CCR5AS: variants seen among roughly 807,000 people sequenced by gnomAD.
CCR5AS encodes the protein CCR5 antisense RNA.
intron 1 of CCR5AS, among the ~76,000 whole-genome samples, chr3:46,397,564 C>A (rs1316175952): frequency 6.6e-6 from 1 of 152,206 alleles, no homozygotes; most frequent in Non-Finnish European, 1.5e-5. Flanking sequence ...AGCTGCCTGA[C>A]AAGAGCTGCC....
chr3:46,394,124 T>C (rs1894389), intron 1 of CCR5AS, among the ~76,000 whole-genome samples: 19,857 of 152,114 alleles, frequency 0.13, 1,557 homozygotes, highest in East Asian at 0.23. Context: ...ATCAGTGTTA[T>C]CTGGAGACAT....
In CCR5AS at chr3:46,389,444, A is replaced by G. The variant is rs546408569; in HGVS notation, n.391+3381T>C. On this transcript the variant is annotated intron_variant and non_coding_transcript_variant, in intron 2 of 3. Coordinates refer to ENST00000451485, the Ensembl canonical transcript of CCR5AS. ...CAAGGACTGATTGCCCAGCTAAGGT[A>G]TCTTCACATGGCTGGGAGTTTGGAG... 5.3e-5 allele frequency among the ~76,000 whole-genome samples: 8 copies of G among 152,314 alleles called. No homozygotes were observed. In the South Asian group the frequency reaches 1.7e-3, roughly 32 times the overall value.
At chr3:46,377,737 G>A (rs969377298) in intron 2 of CCR5AS, among the ~76,000 whole-genome samples, 8 of 151,250 alleles carry the variant, frequency 5.3e-5, no homozygotes, top group African/African-American at 2.4e-5. Flanking sequence ...ATGGAGTCTC[G>A]CTCTGTTGCC....
downstream of CCR5AS, among the ~76,000 whole-genome samples, chr3:46,364,333 C>T (rs748957711): frequency 9.9e-5 from 15 of 152,284 alleles, no homozygotes; most frequent in African/African-American, 1.9e-4. Flanking sequence ...AAGAATTATG[C>T]GAAATCTACT....
chr3:46,399,073 T>C (rs553075634), intron 1 of CCR5AS, among the ~76,000 whole-genome samples: 12 of 152,346 alleles, frequency 7.9e-5, no homozygotes, highest in African/African-American at 2.6e-4. Flanking sequence ...TACACTACAC[T>C]GTCATCTTCA....
intron 3 of CCR5AS, among the ~76,000 whole-genome samples, chr3:46,368,815 T>C (rs41499550): frequency 0.062 from 9,420 of 152,182 alleles, 972 homozygotes; most frequent in African/African-American, 0.22. Flanking sequence ...GGGGTGAGTA[T>C]GTCTTCACAT....
intron 1 of CCR5AS, among the ~76,000 whole-genome samples, chr3:46,404,217 A>G (rs1330916754): frequency 6.6e-6 from 1 of 151,900 alleles, no homozygotes; most frequent in Non-Finnish European, 1.5e-5. Context: ...GAACTTAGTG[A>G]CAAGAAAGAA....
At chr3:46,396,914 A>C (rs1354884704) in intron 1 of CCR5AS, among the ~76,000 whole-genome samples, 1 of 152,164 alleles carries the variant, frequency 6.6e-6, no homozygotes, top group Non-Finnish European at 1.5e-5. Context: ...ATTTGGTTTC[A>C]ATTTTCTCTT....
intron 3 of CCR5AS, among the ~76,000 whole-genome samples, chr3:46,370,404 G>A (rs1444351127): frequency 6.6e-6 from 1 of 152,138 alleles, no homozygotes; most frequent in Admixed American, 6.5e-5. Flanking sequence ...GTGGGGGTTG[G>A]GGTGGGATAG....
At chr3:46,391,427 G>A (rs941791202) in intron 2 of CCR5AS, among the ~76,000 whole-genome samples, 1 of 152,114 alleles carries the variant, frequency 6.6e-6, no homozygotes, top group East Asian at 1.9e-4. Flanking sequence ...CTAATTTTTG[G>A]AGCTTTTTCT....
chr3:46,371,777 C>G (rs1701663568), intron 2 of CCR5AS, among the ~76,000 whole-genome samples: 1 of 151,882 alleles, frequency 6.6e-6, no homozygotes. Context: ...AACTCAGAAA[C>G]TACAAACACA....
chr3:46,402,339 C>T (rs979141478), intron 1 of CCR5AS, among the ~76,000 whole-genome samples: 1 of 152,132 alleles, frequency 6.6e-6, no homozygotes, highest in Non-Finnish European at 1.5e-5. Context: ...AATCTGGGGG[C>T]AGGATAAGAT....
chr3:46,397,895 C>T (rs554269610), intron 1 of CCR5AS, among the ~76,000 whole-genome samples: 10 of 152,302 alleles, frequency 6.6e-5, no homozygotes, highest in East Asian at 1.9e-4. Context: ...GAGATCATTT[C>T]GGTCACTGTC....
intron 2 of CCR5AS, among the ~76,000 whole-genome samples, chr3:46,377,314 C>A (rs1311233426): frequency 6.6e-6 from 1 of 152,202 alleles, no homozygotes; most frequent in Admixed American, 6.5e-5. Context: ...CCTTCAGGAT[C>A]TGACTTTATT....
chr3:46,396,390 C>T lies in CCR5AS; in HGVS notation n.164-3338G>A, dbSNP rs143185727. On this transcript the variant is annotated intron_variant and non_coding_transcript_variant, in intron 1 of 3. Coordinates refer to ENST00000451485, the Ensembl canonical transcript of CCR5AS. ...TCAGTGTGCCCACATGTGGGTTCCA[C>T]GGTCTTGTGACATTGTGGCTTTAGA... is the stretch of plus-strand genomic sequence containing the variant. Among the ~76,000 whole-genome samples the T allele has an allele frequency of 4.6e-5, 7 of 152,224 alleles. No homozygotes were observed. The East Asian group carries it at 1.2e-3, about 25-fold the overall frequency.
chr3:46,393,611 A>G (rs1488379664), intron 1 of CCR5AS, among the ~76,000 whole-genome samples: 4 of 152,222 alleles, frequency 2.6e-5, no homozygotes, highest in African/African-American at 9.6e-5. Flanking sequence ...ACAGATATTT[A>G]TTGAGAAGCA....
chr3:46,376,047 T>C (rs978516613), intron 2 of CCR5AS: 3 of 167,068 alleles, frequency 1.8e-5, no homozygotes, highest in Admixed American at 1.3e-4. Flanking sequence ...TTCCTTTTGC[T>C]CTTAAGTTGT....
At chr3:46,391,493 G>A (rs1701913501) in intron 2 of CCR5AS, among the ~76,000 whole-genome samples, 2 of 152,302 alleles carry the variant, frequency 1.3e-5, no homozygotes, top group African/African-American at 4.8e-5. Context: ...ACGGCCTTCT[G>A]GCACCTCTGG....
At chr3:46,390,478 C>T (rs150803336) in intron 2 of CCR5AS, among the ~76,000 whole-genome samples, 1 of 152,104 alleles carries the variant, frequency 6.6e-6, no homozygotes, top group African/African-American at 2.4e-5. Context: ...TGATAACAGG[C>T]TTTAACCCTT....
Sources: gnomAD v4.1 joint callset for allele counts (sites outside exome capture counted in the v4.1 genomes callset) on GRCh38, gnomAD v4.1.1 for gene constraint, MANE v1.5 for transcripts, NCBI Gene and HGNC (gene_info 2026-07-23, HGNC 2026-07-21) for gene names.